The following FARSB variants were observed in gnomAD, a reference collection of about 807,000 sequenced individuals.
FARSB encodes phenylalanyl-tRNA synthetase subunit beta, also known as phenylalanine--tRNA ligase beta subunit.
Under a neutral mutation model 69.6 loss-of-function variants are expected in FARSB, and 40 were observed. The ratio of observed to expected loss-of-function variants is 0.57; its 90% CI spans 0.45 to 0.75. The LOEUF is 0.75. Ranked by LOEUF, FARSB falls within the 30% of genes least tolerant of loss-of-function variation. The pLI is 0.00. For missense variants in FARSB, 632 were observed against 722.9 expected (o/e 0.87, Z 1.44); for synonymous variants, 235 against 247.2 (o/e 0.95, Z 0.46).
At chr2:222,641,550 C>T (rs1691719398) in intron 3 of FARSB, among the ~76,000 whole-genome samples, 1 of 152,190 alleles carries the variant, frequency 6.6e-6, no homozygotes, top group African/African-American at 2.4e-5. Flanking sequence ...TGGGTGGCGA[C>T]TAAGACTGCA....
At chr2:222,619,378 G>A (rs576817067) in intron 14 of FARSB, among the ~76,000 whole-genome samples, 8 of 150,580 alleles carry the variant, frequency 5.3e-5, no homozygotes, top group Admixed American at 2.0e-4. Flanking sequence ...TTATGAAATG[G>A]AAAGTTCAGA....
chr2:222,603,674 ATAT>A (rs937089120), intron 15 of FARSB, among the ~76,000 whole-genome samples: 3 of 129,116 alleles, frequency 2.3e-5, no homozygotes, highest in Middle Eastern at 3.7e-3. Flanking sequence ...AATATAATTA[ATAT>A]TATATTATAT....
intron 6 of FARSB, among the ~76,000 whole-genome samples, chr2:222,634,082 C>T (rs1237555455): frequency 6.6e-6 from 1 of 152,152 alleles, no homozygotes; most frequent in Non-Finnish European, 1.5e-5. Context: ...AAAACACTAG[C>T]TAAGTTTTAC....
At chr2:222,572,723 G>GA (rs1485264410) in intron 16 of FARSB, among the ~76,000 whole-genome samples, 1 of 152,202 alleles carries the variant, frequency 6.6e-6, no homozygotes, top group Non-Finnish European at 1.5e-5. Context: ...AAGACAGGCA[G>GA]AAAGTTCTCT....
chr2:222,630,407 G>A (rs796111588), intron 8 of FARSB, among the ~76,000 whole-genome samples: 6 of 152,160 alleles, frequency 3.9e-5, no homozygotes, highest in Admixed American at 6.5e-5. Flanking sequence ...AAATCGTTTC[G>A]TTCCCCAACC....
chr2:222,634,424 C>A lies in FARSB; in HGVS notation c.573G>T (p.Glu191Asp), dbSNP rs1691521880. 2 of 1,609,928 alleles carry A rather than the reference C, an allele frequency of 1.2e-6. No individual in the cohort carries two copies. The highest frequency in any genetic ancestry group is 2.2e-5 in the East Asian group (1 of 44,794). Reference sequence around the variant, plus strand: ...TGTTCATCAGTTCACAGGCTGTATACTCCTTGGTCTTATTTAGAGGCTTGA... The same window carrying A: ...TGTTCATCAGTTCACAGGCTGTATAATCCTTGGTCTTATTTAGAGGCTTGA... The part of the protein sequence containing the change: ...IKFKPLNKTK[E>D]YTACELMNIY... The change falls in exon 6 of 17, where the codon GAG (glutamate) becomes GAT (aspartate). Residue 191 changes from glutamate to aspartate, a missense_variant. Transcript: ENST00000281828.
chr2:222,585,382 G>T (rs951459116), intron 16 of FARSB, among the ~76,000 whole-genome samples: 4 of 152,186 alleles, frequency 2.6e-5, no homozygotes, highest in Non-Finnish European at 5.9e-5. Context: ...CATCATCAAA[G>T]ACCAAAATTA....
At chr2:222,603,860 AAAAC>A (rs1247540652) in intron 15 of FARSB, among the ~76,000 whole-genome samples, 2 of 151,904 alleles carry the variant, frequency 1.3e-5, no homozygotes, top group Admixed American at 1.3e-4. Flanking sequence ...CATTTAAATG[AAAAC>A]AAACAATATA....
chr2:222,654,081 T>C (rs1692109802), intron 1 of FARSB, among the ~76,000 whole-genome samples: 1 of 152,216 alleles, frequency 6.6e-6, no homozygotes, highest in South Asian at 2.1e-4. Flanking sequence ...ATCTGGATTA[T>C]TTCTTACCTC....
At chr2:222,645,797 G>T (rs1433715286) in intron 2 of FARSB, among the ~76,000 whole-genome samples, 1 of 151,834 alleles carries the variant, frequency 6.6e-6, no homozygotes, top group Non-Finnish European at 1.5e-5. Context: ...ACATTTTTTG[G>T]AAGTTGCTGA....
intron 2 of FARSB, among the ~76,000 whole-genome samples, chr2:222,645,279 C>T (rs1691819900): frequency 6.6e-6 from 1 of 152,144 alleles, no homozygotes; most frequent in Non-Finnish European, 1.5e-5. Context: ...AACTAGAACT[C>T]AAATAATCTA....
intron 13 of FARSB, among the ~76,000 whole-genome samples, chr2:222,621,309 G>A (rs1160680436): frequency 6.6e-6 from 1 of 152,078 alleles, no homozygotes; most frequent in Non-Finnish European, 1.5e-5. Context: ...TTTTGTTTGA[G>A]ACAGAGTCTC....
Position 222,578,442 on chromosome 2 carries a change from A to G in FARSB, c.1619-6420T>C, listed in dbSNP as rs539306317. Among the ~76,000 whole-genome samples the G allele has an allele frequency of 1.1e-4, 17 of 152,356 alleles. No individual in the cohort carries two copies. The South Asian group carries it at 3.1e-3, about 28-fold the overall frequency. Reference sequence around the variant, plus strand: ...ATTTCACAATTAGTTAACTTATTCAATTGAGACCTTTAGCTAACTTAGTGC... The same window carrying G: ...ATTTCACAATTAGTTAACTTATTCAGTTGAGACCTTTAGCTAACTTAGTGC... On this transcript the variant is annotated intron_variant, in intron 16 of 16. Transcript: ENST00000281828.
intron 15 of FARSB, among the ~76,000 whole-genome samples, chr2:222,610,946 C>T (rs903383749): frequency 4.6e-5 from 7 of 152,128 alleles, no homozygotes; most frequent in African/African-American, 1.7e-4. Flanking sequence ...AACTGTGGTG[C>T]TTTGCTGCCT....
At chr2:222,625,565 G>A (rs1462682375) in intron 10 of FARSB, among the ~76,000 whole-genome samples, 2 of 152,174 alleles carry the variant, frequency 1.3e-5, no homozygotes, top group African/African-American at 2.4e-5. Context: ...GATAGCTAGT[G>A]GCAGTGACAC....
intron 15 of FARSB, among the ~76,000 whole-genome samples, chr2:222,611,958 T>C (rs1214139007): frequency 2.0e-5 from 3 of 152,142 alleles, no homozygotes; most frequent in Non-Finnish European, 2.9e-5. Flanking sequence ...TACAAAACTT[T>C]TGAGGAAACC....
intron 2 of FARSB, among the ~76,000 whole-genome samples, chr2:222,646,630 A>T (rs1691866553): frequency 6.6e-6 from 1 of 152,230 alleles, no homozygotes; most frequent in African/African-American, 2.4e-5. Context: ...TCTTTAGTAG[A>T]TATTTTAATG....
chr2:222,645,591 A>C (rs1436553775), intron 2 of FARSB, among the ~76,000 whole-genome samples: 1 of 151,566 alleles, frequency 6.6e-6, no homozygotes, highest in African/African-American at 2.4e-5. Context: ...CTATCAGAAA[A>C]TTATCTTTTA....
chr2:222,630,323 G>A (rs1691387154), intron 8 of FARSB, 149 bp from the exon 9 acceptor site: 2 of 517,852 alleles, frequency 3.9e-6, no homozygotes, highest in Non-Finnish European at 3.4e-6. Flanking sequence ...ATAAAAACAT[G>A]AGTAGGCCTA....
Sources: allele counts gnomAD v4.1 joint callset (sites outside exome capture counted in the v4.1 genomes callset), GRCh38; gene constraint gnomAD v4.1.1; transcripts MANE v1.5; gene names NCBI Gene and HGNC (gene_info 2026-07-23, HGNC 2026-07-21).